SKIC3: variants seen among roughly 807,000 people sequenced by gnomAD.
The protein encoded by SKIC3 is superkiller complex protein 3.
chr5:95,541,259 C>A, the SKIC3 span: 2 of 1,587,956 alleles, frequency 1.3e-6, no homozygotes, highest in Non-Finnish European at 1.7e-6. Context: ...AGTCACCGCG[C>A]CCAGCCCATC....
the SKIC3 span, chr5:95,525,468 G>A: frequency 1.2e-6 from 2 of 1,613,824 alleles, no homozygotes; most frequent in African/African-American, 2.7e-5. Flanking sequence ...ACTTCAGCTA[G>A]GTCAGGGTAA....
chr5:95,538,163 G>C, the SKIC3 span, among the ~76,000 whole-genome samples: 1 of 151,794 alleles, frequency 6.6e-6, no homozygotes, highest in African/African-American at 2.4e-5. Flanking sequence ...GAGGAGGGTG[G>C]GATAGACCAT....
the SKIC3 span, chr5:95,512,404 T>A: frequency 2.6e-6 from 4 of 1,513,234 alleles, no homozygotes; most frequent in Non-Finnish European, 3.6e-6. Flanking sequence ...TTGACATGAA[T>A]TAATTTTAAA....
chr5:95,514,741 T>G, the SKIC3 span: 1 of 1,038,436 alleles, frequency 9.6e-7, no homozygotes, highest in Non-Finnish European at 1.4e-6. Flanking sequence ...GCACAGTGAC[T>G]GGCACAAAGT....
the SKIC3 span, among the ~76,000 whole-genome samples, chr5:95,525,130 G>A: frequency 6.6e-6 from 1 of 152,076 alleles, no homozygotes; most frequent in Admixed American, 6.6e-5. Context: ...GAGATCACCT[G>A]CCTTGGCCTC....
the SKIC3 span, chr5:95,502,880 C>A: frequency 6.2e-7 from 1 of 1,613,324 alleles, no homozygotes; most frequent in Non-Finnish European, 8.5e-7. Context: ...CTATACATAC[C>A]ATTTAAATAG....
the SKIC3 span, among the ~76,000 whole-genome samples, chr5:95,540,294 A>T: frequency 6.6e-6 from 1 of 152,114 alleles, no homozygotes; most frequent in African/African-American, 2.4e-5. Context: ...GAATAATACA[A>T]TGGACTTCGG....
the SKIC3 span, chr5:95,524,649 C>T: frequency 7.8e-5 from 125 of 1,605,484 alleles, 1 homozygote; most frequent in South Asian, 9.1e-4. Context: ...CACACCCACA[C>T]GCAATATAGG....
At chr5:95,526,876 C>A in the SKIC3 span, among the ~76,000 whole-genome samples, 1 of 152,168 alleles carries the variant, frequency 6.6e-6, no homozygotes, top group East Asian at 1.9e-4. Flanking sequence ...AGACAGAATA[C>A]TTCAACAAAG....
At chr5:95,515,811 A>G in the SKIC3 span, among the ~76,000 whole-genome samples, 1 of 152,140 alleles carries the variant, frequency 6.6e-6, no homozygotes, top group East Asian at 1.9e-4. Flanking sequence ...CTATAGATTT[A>G]TGGAAACTTT....
the SKIC3 span, among the ~76,000 whole-genome samples, chr5:95,479,587 TTTA>T: frequency 6.6e-6 from 1 of 152,050 alleles, no homozygotes; most frequent in Non-Finnish European, 1.5e-5. Context: ...TGTTATAACT[TTTA>T]TTATTATTGT....
the SKIC3 span, among the ~76,000 whole-genome samples, chr5:95,485,948 C>T: frequency 3.9e-5 from 6 of 152,140 alleles, no homozygotes; most frequent in African/African-American, 7.2e-5. Context: ...CCTAGAAAGG[C>T]TCCTGAATGC....
the SKIC3 span, among the ~76,000 whole-genome samples, chr5:95,468,834 A>T: frequency 6.6e-6 from 1 of 152,162 alleles, no homozygotes; most frequent in African/African-American, 2.4e-5. Flanking sequence ...GGTGAAGGGG[A>T]GATAGTACTC....
chr5:95,465,734 G>A, the SKIC3 span, among the ~76,000 whole-genome samples: 1 of 152,104 alleles, frequency 6.6e-6, no homozygotes, highest in African/African-American at 2.4e-5. Context: ...ATATGCAGTC[G>A]GTTGCATTAC....
the SKIC3 span, among the ~76,000 whole-genome samples, chr5:95,491,406 A>C: frequency 6.6e-6 from 1 of 152,218 alleles, no homozygotes; most frequent in Non-Finnish European, 1.5e-5. Context: ...GCTGTTTTAA[A>C]GACTCAGTCC....
chr5:95,530,856 T>G, the SKIC3 span, among the ~76,000 whole-genome samples: 1 of 152,226 alleles, frequency 6.6e-6, no homozygotes, highest in Non-Finnish European at 1.5e-5. Flanking sequence ...TAAAATAGTT[T>G]AGAAAACATT....
the SKIC3 span, among the ~76,000 whole-genome samples, chr5:95,522,790 A>G: frequency 1.3e-5 from 2 of 152,198 alleles, no homozygotes; most frequent in African/African-American, 2.4e-5. Flanking sequence ...ATTCAAATAC[A>G]TTTATTTACA....
the SKIC3 span, chr5:95,464,386 A>G: frequency 2.0e-6 from 1 of 488,332 alleles, no homozygotes; most frequent in Non-Finnish European, 3.6e-6. Context: ...TTTTCCTTTC[A>G]TTCTGGTTTT....
At chr5:95,495,026 GA>G in the SKIC3 span, 1 of 1,613,060 alleles carries the variant, frequency 6.2e-7, no homozygotes, top group Admixed American at 1.7e-5. Flanking sequence ...CCCTAGAACA[GA>G]AAATATTGAT....
Sources: allele counts gnomAD v4.1 joint callset (sites outside exome capture counted in the v4.1 genomes callset), GRCh38; gene constraint gnomAD v4.1.1; transcripts MANE v1.5; gene names NCBI Gene and HGNC (gene_info 2026-07-23, HGNC 2026-07-21).